The following ISG20 variants were observed in gnomAD, a reference collection of about 807,000 sequenced individuals.
ISG20 encodes interferon stimulated exonuclease gene 20.
A neutral mutation model predicts 11.1 loss-of-function variants in ISG20; 8 were observed. The observed-to-expected ratio is 0.72, with a 90% CI of 0.42 to 1.30. The LOEUF (loss-of-function observed/expected upper bound fraction) is 1.30. ISG20 is among the 50% of genes most tolerant of loss of function. The probability of loss-of-function intolerance (pLI) is 0.01; values close to 1 mark genes in which losing one functional copy is unlikely to be tolerated. For synonymous variants in ISG20, 110 were observed against 101.7 expected (o/e 1.08, Z -0.49); for missense variants, 243 against 250.2 (o/e 0.97, Z 0.19).
chr15:88,642,774 G>A (rs1021418684), intron 2 of ISG20, among the ~76,000 whole-genome samples: 15 of 152,108 alleles, frequency 9.9e-5, no homozygotes, highest in Non-Finnish European at 1.8e-4. Context: ...GCACCACCAC[G>A]CCTGGCTAAT....
chr15:88,650,538 G>A lies in ISG20; in HGVS notation c.229-1572G>A, dbSNP rs919654405. On this transcript the variant is annotated intron_variant, in intron 2 of 3. Transcript: ENST00000306072. This position sits in a 1 kb window ranked among gnomAD's most constrained non-coding sequence, Gnocchi z 4.0. ...TTGGCAAATCACACCAAAACTTACC[G>A]GTTCAAACAATGTCAATACTTATTT... 37 of 1,207,016 alleles carry A rather than the reference G, an allele frequency of 3.1e-5. No homozygotes were observed. The highest frequency in any genetic ancestry group is 3.7e-5 in the Non-Finnish European group (34 of 907,992). The allele number at this position is 1,207,016 out of a possible 1,614,324, so 74.8% of individuals were successfully genotyped here.
intron 3 of ISG20, among the ~76,000 whole-genome samples, chr15:88,653,423 G>A (rs1299914769): frequency 3.9e-5 from 6 of 152,152 alleles, no homozygotes; most frequent in African/African-American, 1.2e-4. Flanking sequence ...TGGGGAGCAC[G>A]GAGCCCGCCC....
intron 3 of ISG20, among the ~76,000 whole-genome samples, chr15:88,653,546 C>A (rs1363553444): frequency 6.6e-6 from 1 of 152,160 alleles, no homozygotes; most frequent in Non-Finnish European, 1.5e-5. Flanking sequence ...CTGGGCTTTT[C>A]CTGGAGCCCT....
At chr15:88,640,647 T>A (rs2058064634) in intron 2 of ISG20, among the ~76,000 whole-genome samples, 1 of 152,100 alleles carries the variant, frequency 6.6e-6, no homozygotes. Context: ...CTAGATAGAG[T>A]GCCTAAATAG....
chr15:88,639,003 G>A (rs147979054), upstream of ISG20: 8 of 325,834 alleles, frequency 2.5e-5, no homozygotes, highest in Middle Eastern at 9.4e-4. This position sits in a 1 kb window ranked among gnomAD's most constrained non-coding sequence, Gnocchi z 4.2. Context: ...ATGAGTCACC[G>A]CTGAGAGCAG....
intron 2 of ISG20, among the ~76,000 whole-genome samples, chr15:88,640,722 G>A (rs2058065891): frequency 6.6e-6 from 1 of 152,112 alleles, no homozygotes; most frequent in Admixed American, 6.5e-5. Flanking sequence ...CCAGCACGGT[G>A]GGAGGCGGAG....
rs2058261675 is a variant in ISG20 at position 88,650,838 on chromosome 15, A to G, written c.229-1272A>G. The G allele has an allele frequency of 6.5e-6, 1 of 153,732 alleles. No homozygotes were observed. Among genetic ancestry groups the G allele is most frequent in the Non-Finnish European group, 1.4e-5 (1 of 69,108 alleles). 9.5% of individuals were successfully genotyped at this position (153,732 alleles called of 1,614,324 possible). The stretch of plus-strand genomic sequence containing the variant: ...GCCCAAGCTGTAGTGCAGTGGCACG[A>G]TCTCAGCTCACTTGCAATCTCCCTC... On this transcript the variant is annotated intron_variant, in intron 2 of 3. Coordinates refer to ENST00000306072, the MANE Select transcript of ISG20 (RefSeq NM_002201.6). The surrounding 1 kb of genome is among the most constrained non-coding windows in gnomAD (Gnocchi z 4.0).
At chr15:88,638,531 T>A (rs984469853), upstream of ISG20, among the ~76,000 whole-genome samples, 1 of 152,212 alleles carries the variant, frequency 6.6e-6, no homozygotes, top group East Asian at 1.9e-4. Flanking sequence ...GGGTTGGAAG[T>A]GGGGGCTAGC....
At chr15:88,652,687 G>T (rs1284690442) in intron 3 of ISG20, among the ~76,000 whole-genome samples, 1 of 142,324 alleles carries the variant, frequency 7.0e-6, no homozygotes, top group Admixed American at 7.1e-5. Context: ...CTTGCCTGAG[G>T]CATTGATGGT....
At chr15:88,646,642 C>T (rs536043670) in intron 2 of ISG20, among the ~76,000 whole-genome samples, 2 of 152,326 alleles carry the variant, frequency 1.3e-5, no homozygotes, top group South Asian at 2.1e-4. Flanking sequence ...ATCAGGCTCA[C>T]GGGCCCCCAA....
chr15:88,644,041 C>T (rs2058126824), intron 2 of ISG20, among the ~76,000 whole-genome samples: 1 of 152,120 alleles, frequency 6.6e-6, no homozygotes, highest in African/African-American at 2.4e-5. Flanking sequence ...GGTCACAGTA[C>T]ATCATCTTGG....
chr15:88,641,337 G>C (rs1023169151), intron 2 of ISG20, among the ~76,000 whole-genome samples: 1 of 151,964 alleles, frequency 6.6e-6, no homozygotes, highest in Non-Finnish European at 1.5e-5. Context: ...GAGGAAACTG[G>C]GGCTCGCTTG....
chr15:88,652,835 A>G (rs1458512583), intron 3 of ISG20, among the ~76,000 whole-genome samples: 2 of 150,722 alleles, frequency 1.3e-5, no homozygotes, highest in Non-Finnish European at 3.0e-5. Flanking sequence ...CCCACCATAG[A>G]ACTCTGGGCA....
At chr15:88,635,918 T>A (rs555359277), upstream of ISG20, among the ~76,000 whole-genome samples, 2 of 152,324 alleles carry the variant, frequency 1.3e-5, no homozygotes, top group East Asian at 3.9e-4. Context: ...AAAAAAAATC[T>A]GCATGTAAGT....
chr15:88,654,089 G>A (rs895965512), intron 3 of ISG20, among the ~76,000 whole-genome samples: 1 of 152,188 alleles, frequency 6.6e-6, no homozygotes, highest in Non-Finnish European at 1.5e-5. Flanking sequence ...GCAGCCTGGG[G>A]TTTGTCTGAT....
At chr15:88,644,457 G>A (rs779332814) in intron 2 of ISG20, among the ~76,000 whole-genome samples, 5 of 151,248 alleles carry the variant, frequency 3.3e-5, no homozygotes, top group East Asian at 3.9e-4. Flanking sequence ...GCTTGAACCC[G>A]GGAGGCGGAG....
chr15:88,639,087 G>GAGCTGGAGCAGC lies in ISG20; in HGVS notation c.-25+18_-25+29dup. ...CGCAGAGGCAGGCAGGTGAGAGCGG[G>GAGCTGGAGCAGC]AGCTGGAGCAGCAGCTGGGGAGGCA... is the stretch of plus-strand genomic sequence containing the variant. On this transcript the variant is annotated intron_variant, in intron 1 of 3. Coordinates refer to ENST00000306072, the MANE Select transcript of ISG20 (RefSeq NM_002201.6). The surrounding 1 kb of genome is among the most constrained non-coding windows in gnomAD (Gnocchi z 4.2). The GAGCTGGAGCAGC allele has an allele frequency of 1.9e-6, 1 of 537,722 alleles. No individual in the cohort carries two copies. The highest frequency in any genetic ancestry group is 3.3e-6 in the Non-Finnish European group (1 of 302,316). 33.3% of individuals were successfully genotyped at this position (537,722 alleles called of 1,614,324 possible). A position where few individuals can be genotyped will look rare whatever the true frequency, so the allele number is the denominator to read the frequency against.
At chr15:88,635,877 A>T (rs559822819), upstream of ISG20, among the ~76,000 whole-genome samples, 1 of 152,092 alleles carries the variant, frequency 6.6e-6, no homozygotes, top group African/African-American at 2.4e-5. Flanking sequence ...TTGTTGAAAA[A>T]TCTCTCCCAA....
At position 88,655,756 on chromosome 15, in the gene ISG20, G is replaced by A; in HGVS notation, c.*225G>A. 1 of 418,892 alleles carries A rather than the reference G, an allele frequency of 2.4e-6. No homozygotes were observed. The highest frequency in any genetic ancestry group is 6.2e-4 in the Middle Eastern group (1 of 1,608). 25.9% of individuals were successfully genotyped at this position (418,892 alleles called of 1,614,324 possible). On this transcript the variant is annotated 3_prime_UTR_variant, in exon 4 of 4. Coordinates refer to ENST00000306072, the MANE Select transcript of ISG20 (RefSeq NM_002201.6). ...AATGAAGTCTTATGCTGGGGAGGTG[G>A]GCAAGTATCAATTTCCTTAATATCT...
Sources: gnomAD v4.1 joint callset for allele counts (sites outside exome capture counted in the v4.1 genomes callset) on GRCh38, gnomAD v4.1.1 for gene constraint, Gnocchi (gnomAD v3.1) non-coding constraint, MANE v1.5 for transcripts, NCBI Gene and HGNC (gene_info 2026-07-23, HGNC 2026-07-21) for gene names.